PCDH7: variants seen among roughly 807,000 people sequenced by gnomAD.
The protein encoded by PCDH7 is protocadherin-7.
PCDH7 carries 17 observed loss-of-function variants against 58.9 expected under a neutral mutation model. The ratio of observed to expected loss-of-function variants is 0.29; its 90% confidence interval spans 0.20 to 0.43. The LOEUF is 0.43. Among genes scored for constraint, PCDH7 ranks in the 20% least tolerant of loss-of-function variants. PCDH7 has a pLI of 1.00. For synonymous variants in PCDH7, 664 were observed against 616.4 expected, an observed-to-expected ratio of 1.08 and a Z score of -1.14; for missense variants, 1,274 against 1,441.0, an observed-to-expected ratio of 0.88 and a Z score of 1.88.
intron 3 of PCDH7, among the ~76,000 whole-genome samples, chr4:31,059,885 T>C (rs1223876400): frequency 6.6e-6 from 1 of 151,806 alleles, no homozygotes; most frequent in Non-Finnish European, 1.5e-5. Context: ...GAAAGTAACC[T>C]TAGAGATCAT....
downstream of PCDH7, chr4:31,143,668 T>C (rs1218038703): frequency 4.6e-5 from 7 of 152,178 alleles, no homozygotes; most frequent in African/African-American, 1.7e-4. Context: ...TTAACTAACT[T>C]GAACAATTGT....
chr4:30,977,486 A>G (rs907410014), intron 3 of PCDH7, among the ~76,000 whole-genome samples: 2 of 152,154 alleles, frequency 1.3e-5, no homozygotes, highest in African/African-American at 4.8e-5. Context: ...GAGGCAAAAT[A>G]AGATTTTTCT....
chr4:31,033,257 C>T (rs1037937609), intron 3 of PCDH7, among the ~76,000 whole-genome samples: 1 of 152,286 alleles, frequency 6.6e-6, no homozygotes, highest in African/African-American at 2.4e-5. Context: ...TAACAGCATG[C>T]TCCATCAATA....
chr4:30,987,364 A>G (rs1292037842), intron 3 of PCDH7, among the ~76,000 whole-genome samples: 1 of 151,864 alleles, frequency 6.6e-6, no homozygotes, highest in African/African-American at 2.4e-5. Context: ...CTTTTTTGTA[A>G]GGACACCCAG....
intron 3 of PCDH7, among the ~76,000 whole-genome samples, chr4:31,111,822 G>A (rs976614668): frequency 6.6e-6 from 1 of 152,112 alleles, no homozygotes; most frequent in African/African-American, 2.4e-5. Flanking sequence ...TTTCTCTTAT[G>A]CTCTGTTAGT....
chr4:31,035,375 T>C (rs1755320067), intron 3 of PCDH7, among the ~76,000 whole-genome samples: 1 of 147,006 alleles, frequency 6.8e-6, no homozygotes, highest in Non-Finnish European at 1.5e-5. Context: ...TGCCTCAGCC[T>C]CCTGAGTAGC....
chr4:30,974,826 C>T (rs28458214), intron 3 of PCDH7, among the ~76,000 whole-genome samples: 2,331 of 151,596 alleles, frequency 0.015, 49 homozygotes, highest in African/African-American at 0.052. Context: ...GCGATGGGGG[C>T]AGGGGAATGA....
At chr4:31,089,329 A>C (rs1197428909) in intron 3 of PCDH7, among the ~76,000 whole-genome samples, 1 of 152,100 alleles carries the variant, frequency 6.6e-6, no homozygotes, top group East Asian at 1.9e-4. Context: ...TACAGAAAAA[A>C]CACATATGCC....
At chr4:30,813,465 A>T (rs1016803386) in intron 1 of PCDH7, among the ~76,000 whole-genome samples, 2 of 152,182 alleles carry the variant, frequency 1.3e-5, no homozygotes, top group African/African-American at 4.8e-5. Flanking sequence ...GTAGGACTGT[A>T]TAAGGCACAA....
At chr4:31,091,277 A>G (rs969173925) in intron 3 of PCDH7, among the ~76,000 whole-genome samples, 21 of 152,016 alleles carry the variant, frequency 1.4e-4, no homozygotes, top group African/African-American at 4.8e-4. Flanking sequence ...AATTAGCTTT[A>G]AAGTGTGCAT....
At chr4:30,942,477 G>GA (rs1050947019) in intron 2 of PCDH7, among the ~76,000 whole-genome samples, 9 of 151,890 alleles carry the variant, frequency 5.9e-5, no homozygotes, top group African/African-American at 1.9e-4. Flanking sequence ...TACATCAGTG[G>GA]AAAATCTTTA....
intron 3 of PCDH7, among the ~76,000 whole-genome samples, chr4:31,100,697 C>G (rs535836130): frequency 6.6e-5 from 10 of 152,296 alleles, no homozygotes; most frequent in African/African-American, 2.4e-4. Context: ...TCCTGGCTCC[C>G]TCTTTAGGAT....
intron 1 of PCDH7, among the ~76,000 whole-genome samples, chr4:30,898,141 A>T (rs1318250280): frequency 6.6e-6 from 1 of 152,230 alleles, no homozygotes; most frequent in African/African-American, 2.4e-5. Context: ...TATCCATAAA[A>T]GTAGCCTCAG....
intron 2 of PCDH7, among the ~76,000 whole-genome samples, chr4:30,926,939 T>C (rs1231846954): frequency 1.3e-5 from 2 of 152,162 alleles, no homozygotes; most frequent in East Asian, 3.9e-4. Flanking sequence ...CTCAGTCCTT[T>C]CTTTTCTAAT....
intron 3 of PCDH7, among the ~76,000 whole-genome samples, chr4:31,004,640 C>G (rs531371832): frequency 2.0e-5 from 3 of 152,152 alleles, no homozygotes; most frequent in South Asian, 4.2e-4. Flanking sequence ...GAGCCGAGAT[C>G]CCGACACTGC....
chr4:31,095,076 G>T (rs780648568), intron 3 of PCDH7, among the ~76,000 whole-genome samples: 3 of 151,810 alleles, frequency 2.0e-5, no homozygotes, highest in South Asian at 2.1e-4. Context: ...AAAAGCCAAA[G>T]ATACAACAGA....
At chr4:30,725,138 A>C in intron 1 of PCDH7, 1 of 999,638 alleles carries the variant, frequency 1.0e-6, no homozygotes, top group Non-Finnish European at 1.2e-6. Flanking sequence ...AATACTGACT[A>C]CTTTGATGAA....
intron 2 of PCDH7, among the ~76,000 whole-genome samples, chr4:30,936,356 A>G (rs931030458): frequency 1.3e-5 from 2 of 151,988 alleles, no homozygotes; most frequent in African/African-American, 4.8e-5. Context: ...ATTATTTGCC[A>G]CTATTAACTC....
intron 1 of PCDH7, among the ~76,000 whole-genome samples, chr4:30,865,773 C>G (rs891145938): frequency 1.3e-5 from 2 of 152,038 alleles, no homozygotes; most frequent in Admixed American, 6.6e-5. Flanking sequence ...AGTTGATGAA[C>G]AGTTGACTCT....
Sources: gnomAD v4.1 joint callset for allele counts (sites outside exome capture counted in the v4.1 genomes callset) on GRCh38, gnomAD v4.1.1 for gene constraint, MANE v1.5 for transcripts, NCBI Gene and HGNC (gene_info 2026-07-23, HGNC 2026-07-21) for gene names.